RAI1: variants seen among roughly 807,000 people sequenced by gnomAD.
RAI1 encodes retinoic acid-induced protein 1.
In RAI1, 9 loss-of-function variants were observed where a neutral mutation model predicts 123.8. The observed-to-expected ratio is 0.07, with a 90% CI of 0.04 to 0.13. The LOEUF (loss-of-function observed/expected upper bound fraction) is 0.13. Among genes scored for constraint, RAI1 ranks in the 10% least tolerant of loss-of-function variants. RAI1 has a pLI of 1.00. For missense variants in RAI1, 2,256 were observed against 2,545.8 expected (o/e 0.89, Z 2.45); for synonymous variants, 1,231 against 1,127.3 (o/e 1.09, Z -1.84).
At chr17:17,717,829 G>T (rs903553256) in intron 1 of RAI1, among the ~76,000 whole-genome samples, 1 of 152,202 alleles carries the variant, frequency 6.6e-6, no homozygotes, top group Non-Finnish European at 1.5e-5. Flanking sequence ...ACGCCTGCAG[G>T]CGGGGGCCGT....
At chr17:17,700,448 G>C (rs1400001449) in intron 1 of RAI1, among the ~76,000 whole-genome samples, 1 of 151,878 alleles carries the variant, frequency 6.6e-6, no homozygotes, top group Non-Finnish European at 1.5e-5. Context: ...AGCCCCTGCG[G>C]GGGTGGCCGC....
intron 1 of RAI1, among the ~76,000 whole-genome samples, chr17:17,690,369 G>A (rs1914794713): frequency 6.7e-6 from 1 of 148,410 alleles, no homozygotes; most frequent in African/African-American, 2.5e-5. Context: ...CAGCCTGGGT[G>A]ACAGAGCGAG....
At chr17:17,777,099 G>A (rs1367710117) in intron 2 of RAI1, 3 of 152,132 alleles carry the variant, frequency 2.0e-5, no homozygotes, top group Non-Finnish European at 4.4e-5. Context: ...CCCTTGGATG[G>A]ACAGCTAGGG....
In RAI1 at chr17:17,810,025, C is replaced by G. The variant is rs1196486103; in HGVS notation, c.*44C>G. Reference sequence around the variant, plus strand: ...GGAGGAGCCGCCGGAGCCCGCCTGCCCGCCCGCCGCCGAAGGAGAGGAGCC... The same window carrying G: ...GGAGGAGCCGCCGGAGCCCGCCTGCGCGCCCGCCGCCGAAGGAGAGGAGCC... On this transcript the variant is annotated 3_prime_UTR_variant, in exon 6 of 6. Coordinates refer to ENST00000353383, the MANE Select transcript of RAI1 (RefSeq NM_030665.4). This position sits in a 1 kb window ranked among gnomAD's most constrained non-coding sequence, Gnocchi z 4.6. 1 of 1,542,400 alleles carries G rather than the reference C, an allele frequency of 6.5e-7. No homozygotes were observed. Among genetic ancestry groups the G allele is most frequent in the South Asian group, 1.2e-5 (1 of 83,604 alleles).
chr17:17,756,975 G>A (rs890664451), intron 2 of RAI1, among the ~76,000 whole-genome samples: 2 of 152,158 alleles, frequency 1.3e-5, no homozygotes, highest in African/African-American at 4.8e-5. Context: ...GGGCCCTCTC[G>A]GGCAGCCCCC....
chr17:17,717,645 C>T (rs923958165), intron 1 of RAI1, among the ~76,000 whole-genome samples: 4 of 152,188 alleles, frequency 2.6e-5, no homozygotes, highest in Admixed American at 2.0e-4. Flanking sequence ...GCCCTGTCCT[C>T]TCTTTCCCCC....
In RAI1 at chr17:17,798,341, C is replaced by T. The variant is rs753029233; in HGVS notation, c.5393C>T (p.Pro1798Leu). 6.2e-7 allele frequency: 1 copy of T among 1,602,576 alleles called. No homozygotes were observed. Among genetic ancestry groups the T allele is most frequent in the Non-Finnish European group, 8.5e-7 (1 of 1,174,346 alleles). ...GREDGGEEAAPADKGRKHECS... is the reference protein window; with the variant it reads ...GREDGGEEAALADKGRKHECS... ...GAGGATGGGGGCGAGGAGGCAGCCC[C>T]AGCCGACAAGGGTCGCAAACATGAG... is the stretch of plus-strand genomic sequence containing the variant. The change falls in exon 3 of 6, where the codon CCA becomes CTA. Residue 1798 changes from proline to leucine, a missense_variant. Transcript: ENST00000353383.
chr17:17,755,456 C>T (rs1438344070), intron 2 of RAI1, among the ~76,000 whole-genome samples: 1 of 152,156 alleles, frequency 6.6e-6, no homozygotes, highest in Non-Finnish European at 1.5e-5. Flanking sequence ...TTGGGGTCAC[C>T]CTCACCAACT....
At chr17:17,741,281 G>A (rs1567864169) in intron 2 of RAI1, among the ~76,000 whole-genome samples, 1 of 152,182 alleles carries the variant, frequency 6.6e-6, no homozygotes, top group Non-Finnish European at 1.5e-5. Flanking sequence ...GAAAAAGAGA[G>A]ATTAGTGGGA....
At chr17:17,751,975 T>G in intron 2 of RAI1, among the ~76,000 whole-genome samples, 1 of 152,230 alleles carries the variant, frequency 6.6e-6, no homozygotes, top group East Asian at 1.9e-4. Context: ...ATTTTTTGTT[T>G]TTTTAATCTC....
At chr17:17,710,347 C>A (rs1288168120) in intron 1 of RAI1, among the ~76,000 whole-genome samples, 1 of 152,224 alleles carries the variant, frequency 6.6e-6, no homozygotes, top group Non-Finnish European at 1.5e-5. Context: ...CCGGGGTACC[C>A]ATCCCACCCT....
intron 2 of RAI1, among the ~76,000 whole-genome samples, chr17:17,736,209 G>C (rs992944159): frequency 1.3e-5 from 2 of 152,140 alleles, no homozygotes; most frequent in Non-Finnish European, 2.9e-5. Flanking sequence ...AACGTGTCTG[G>C]AGGGAACTGT....
At chr17:17,691,153 G>C (rs553386436) in intron 1 of RAI1, among the ~76,000 whole-genome samples, 1 of 152,300 alleles carries the variant, frequency 6.6e-6, no homozygotes, top group Non-Finnish European at 1.5e-5. Context: ...GGTCTCATTC[G>C]GGGGCGATCT....
chr17:17,794,158 A>T lies in RAI1; in HGVS notation c.1210A>T (p.Thr404Ser), dbSNP rs1224098594. The change falls in exon 3 of 6, where the codon ACC becomes TCC. Residue 404 changes from threonine (T) to serine (S), a missense_variant. Physicochemically the swap from Thr to Ser is moderately conservative, Grantham distance 58. This residue lies in a region of RAI1 where 357 missense variants were observed against 480.2 expected (regional missense o/e 0.74). Coordinates refer to ENST00000353383, the MANE Select transcript of RAI1 (RefSeq NM_030665.4). ...GCTCAATCCCTCCCCAACGGATGCCACCAGCTCTGTGGACACCCAGGCTGG... is the reference window on the plus strand; with the variant it reads ...GCTCAATCCCTCCCCAACGGATGCCTCCAGCTCTGTGGACACCCAGGCTGG... The part of the protein sequence containing the change: ...PLLNPSPTDA[T>S]SSVDTQAGNC... 1 of 1,613,744 alleles carries T rather than the reference A, an allele frequency of 6.2e-7. No individual in the cohort carries two copies. The highest frequency in any genetic ancestry group is 1.3e-5 in the African/African-American group (1 of 74,912).
intron 4 of RAI1, among the ~76,000 whole-genome samples, chr17:17,805,336 C>G (rs2032575798): frequency 6.6e-6 from 1 of 151,804 alleles, no homozygotes; most frequent in Non-Finnish European, 1.5e-5. Flanking sequence ...TTGGGTCCAG[C>G]CTCTGTGACC....
In RAI1 at chr17:17,805,703, C is replaced by T. The variant is rs148273052; in HGVS notation, c.5659+1854C>T. On this transcript the variant is annotated intron_variant, in intron 4 of 5. Coordinates refer to ENST00000353383, the MANE Select transcript of RAI1 (RefSeq NM_030665.4). ...CAGGGGCTGAGCTGCCGGGACCCAGCGGGGAAGGGGCTTGCTGGAGCAGGG... is the reference window on the plus strand; with the variant it reads ...CAGGGGCTGAGCTGCCGGGACCCAGTGGGGAAGGGGCTTGCTGGAGCAGGG... 6.3e-4 allele frequency among the ~76,000 whole-genome samples: 96 copies of T among 152,320 alleles called. 2 individuals carry two copies. The East Asian group carries it at 0.01, about 16-fold the overall frequency.
rs958580265 is a variant in RAI1, at chr17:17,797,121, C to T, written c.4173C>T (p.Leu1391=). 1.9e-6 allele frequency: 3 copies of T among 1,614,032 alleles called. No individual in the cohort carries two copies. Among genetic ancestry groups the T allele is most frequent in the African/African-American group, 2.7e-5 (2 of 75,060 alleles). The change falls in exon 3 of 6, where the codon CTC becomes CTT. Residue 1391 remains leucine (L), a synonymous_variant. Transcript: ENST00000353383. ...GLVNVGTGQK[L]PTSGADPLCR... is the part of the protein sequence containing the mutation. ...TAAATGTGGGCACCGGGCAGAAGCT[C>T]CCAACTTCTGGGGCTGATCCGTTAT... is the stretch of plus-strand genomic sequence containing the variant.
intron 2 of RAI1, among the ~76,000 whole-genome samples, chr17:17,755,542 A>G (rs940697080): frequency 9.2e-5 from 14 of 152,158 alleles, no homozygotes; most frequent in Admixed American, 2.0e-4. Flanking sequence ...TGGTAGACTC[A>G]GGAGAGAGCT....
Position 17,798,371 on chromosome 17 carries a change from G to A in RAI1, c.5423G>A (p.Ser1808Asn), listed in dbSNP as rs104894633. 6.2e-7 allele frequency: 1 copy of A among 1,608,586 alleles called. No homozygotes were observed. The highest frequency in any genetic ancestry group is 1.7e-5 in the Admixed American group (1 of 59,422). The change falls in exon 3 of 6, where the codon AGC becomes AAC. Residue 1808 changes from serine to asparagine, a missense_variant. Ser to Asn is a conservative substitution (Grantham distance 46). This residue lies in a region of RAI1 where 243 missense variants were observed against 316.6 expected (regional missense o/e 0.77). Coordinates refer to ENST00000353383, the MANE Select transcript of RAI1 (RefSeq NM_030665.4). ...GACAAGGGTCGCAAACATGAGTGCA[G>A]CAAGGAGGCTCCGGCAGAGCCCGGC... ...PADKGRKHEC[S>N]KEAPAEPGGE... is the part of the protein sequence containing the mutation.
Sources: gnomAD v4.1 joint callset for allele counts (sites outside exome capture counted in the v4.1 genomes callset) on GRCh38, gnomAD v4.1.1 for gene constraint, gnomAD v4.1.1 regional missense constraint, Gnocchi (gnomAD v3.1) non-coding constraint, MANE v1.5 for transcripts, NCBI Gene and HGNC (gene_info 2026-07-23, HGNC 2026-07-21) for gene names.